Variants in KAT5 observed in about 807,000 individuals in gnomAD.
KAT5 encodes lysine acetyltransferase 5.
A neutral mutation model predicts 68.1 loss-of-function variants in KAT5; 31 were observed. That is an observed-to-expected ratio of 0.46 (90% CI 0.34 to 0.61). The LOEUF (loss-of-function observed/expected upper bound fraction) is 0.61, where lower values mean the gene tolerates loss of function less well. KAT5 is among the 20% of genes least tolerant of loss of function. The pLI is 0.01. For missense variants in KAT5, 451 were observed against 725.5 expected (o/e 0.62, Z 4.35); for synonymous variants, 365 against 292.6 (o/e 1.25, Z -2.52).
chr11:65,713,298 T>C (rs1230817225), intron 3 of KAT5, 50 bp from the exon 4 acceptor site: 1 of 1,587,676 alleles, frequency 6.3e-7, no homozygotes, highest in African/African-American at 1.3e-5. Context: ...CCCTTCCCCA[T>C]CCCACTGCCA....
rs771308702 is a variant in KAT5 at position 65,714,680 on chromosome 11, C to T, written c.876C>T (p.Val292=). 6.8e-6 allele frequency: 11 copies of T among 1,614,102 alleles called. No homozygotes were observed. In the South Asian group the frequency reaches 7.7e-5, roughly 11 times the overall value. The change falls in exon 7 of 13, where the codon GTC becomes GTT. Residue 292 remains valine (V), a synonymous_variant. Coordinates refer to ENST00000341318, the MANE Select transcript of KAT5 (RefSeq NM_182710.3). ...CACAGGAACTCACCACATTGCCTGTCCTCTACCTGTGCGAGTTCTGCCTCA... is the reference window on the plus strand; with the variant it reads ...CACAGGAACTCACCACATTGCCTGTTCTCTACCTGTGCGAGTTCTGCCTCA... The part of the protein sequence containing the change: ...PYPQELTTLP[V]LYLCEFCLKY...
intron 3 of KAT5, 142 bp downstream of exon 3, chr11:65,713,200 T>C: frequency 7.6e-7 from 1 of 1,324,040 alleles, no homozygotes; most frequent in East Asian, 2.3e-5. Context: ...AAATTGCACA[T>C]GTAGCTCCCA....
In KAT5 at chr11:65,719,266, C is replaced by A; in HGVS notation, c.*85C>A. On this transcript the variant is annotated 3_prime_UTR_variant, in exon 13 of 13. Transcript: ENST00000341318. Reference sequence around the variant, plus strand: ...CGCCCCCACTGCAGCTCCCACAAAGCACTCTAAGGGAGATGGGGCTGAGGA... The same window carrying A: ...CGCCCCCACTGCAGCTCCCACAAAGAACTCTAAGGGAGATGGGGCTGAGGA... The A allele has an allele frequency of 6.7e-7, 1 of 1,495,056 alleles. No individual in the cohort carries two copies. The highest frequency in any genetic ancestry group is 1.2e-5 in the South Asian group (1 of 82,562). The allele number at this position is 1,495,056 out of a possible 1,614,324, so 92.6% of individuals were successfully genotyped here.
rs754675864 is a variant in KAT5, at chr11:65,719,106, C to G, written c.1566C>G (p.Leu522=). The change falls in exon 13 of 13, where the codon CTC becomes CTG. Residue 522 remains leucine, a synonymous_variant. Transcript: ENST00000341318. The part of the protein sequence containing the change: ...DIVDGHERAM[L]KRLLRIDSKC... ...TGGATGGCCATGAGCGGGCCATGCT[C>G]AAGCGGCTCCTGCGGATCGACTCCA... 3.7e-6 allele frequency: 6 copies of G among 1,614,102 alleles called. No homozygotes were observed. The highest frequency in any genetic ancestry group is 3.3e-5 in the Admixed American group (2 of 60,002).
At position 65,712,843 on chromosome 11, in the gene KAT5, T is replaced by G; in HGVS notation, c.247+9T>G. 1 of 1,614,144 alleles carries G rather than the reference T, an allele frequency of 6.2e-7. No individual in the cohort carries two copies. The highest frequency in any genetic ancestry group is 8.5e-7 in the Non-Finnish European group (1 of 1,179,996). On this transcript the variant is annotated intron_variant, in intron 2 of 12. Transcript: ENST00000341318. ...CGTCCATTACATTGACTGTGAGTTC[T>G]GGGCCTGAGGTGGGGCATCAGGGTA...
chr11:65,718,446 C>A, intron 10 of KAT5, 144 bp from the exon 11 acceptor site: 2 of 772,646 alleles, frequency 2.6e-6, no homozygotes, highest in South Asian at 1.7e-5. Context: ...GGAACTGAGG[C>A]ACAGAGAAGT....
intron 6 of KAT5, 94 bp downstream of exon 6, chr11:65,713,942 A>AG (rs1426784105): frequency 1.7e-6 from 2 of 1,162,678 alleles, no homozygotes; most frequent in Non-Finnish European, 2.5e-6. Flanking sequence ...AAAATAAAGA[A>AG]GGGGTGGTGG....
chr11:65,719,024 C>T, intron 12 of KAT5, 23 bp from the exon 13 acceptor site: 1 of 1,614,020 alleles, frequency 6.2e-7, no homozygotes, highest in Non-Finnish European at 8.5e-7. Context: ...TGACCACCTG[C>T]TGAACCCATC....
In KAT5 at chr11:65,712,793, A is replaced by T. The variant is rs779604945; in HGVS notation, c.206A>T (p.Asp69Val). ...CTGGCCGAGATCCTGAGCGTGAAGG[A>T]CATCAGTGGCCGGAAGCTTTTCTAC... ...WPLAEILSVK[D>V]ISGRKLFYVH... is the part of the protein sequence containing the mutation. Residue 69 changes from aspartate to valine, a missense_variant, in exon 2 of 13, where the codon GAC becomes GTC. By Grantham distance (152) the Asp-to-Val change is radical (BLOSUM62 -3). Around this residue, in one of 4 missense-constraint regions of KAT5, gnomAD observed 104 missense variants for 107.3 expected, o/e 0.97. Transcript: ENST00000341318. 1 of 1,614,048 alleles carries T rather than the reference A, an allele frequency of 6.2e-7. No individual in the cohort carries two copies. Among genetic ancestry groups the T allele is most frequent in the Admixed American group, 1.7e-5 (1 of 60,002 alleles).
At position 65,713,577 on chromosome 11, in the gene KAT5, T is replaced by A. The variant is rs1857098441; in HGVS notation, c.541-16T>A. The A allele has an allele frequency of 6.2e-7, 1 of 1,614,082 alleles. No homozygotes were observed. Among genetic ancestry groups the A allele is most frequent in the African/African-American group, 1.3e-5 (1 of 74,926 alleles). Reference sequence around the variant, plus strand: ...TCTCTACCTTCTGACCCACCTTTGTTGGTTTCTCTCTGCAGAAACGGAAGG... The same window carrying A: ...TCTCTACCTTCTGACCCACCTTTGTAGGTTTCTCTCTGCAGAAACGGAAGG... On this transcript the variant is annotated splice_polypyrimidine_tract_variant and intron_variant, in intron 4 of 12. Transcript: ENST00000341318.
chr11:65,713,243 G>A (rs1158265854), intron 3 of KAT5, 105 bp from the exon 4 acceptor site: 15 of 1,352,822 alleles, frequency 1.1e-5, no homozygotes, highest in South Asian at 5.2e-5. Flanking sequence ...TCCTTCAGAA[G>A]GCGAGGGTGG....
chr11:65,716,866 A>C (rs1857213225), intron 9 of KAT5, 23 bp from the exon 10 acceptor site: 1 of 1,613,308 alleles, frequency 6.2e-7, no homozygotes. Flanking sequence ...CTTCCCTGAC[A>C]CTCACCTGTC....
Position 65,718,738 on chromosome 11 carries a change from G to C in KAT5, c.1413G>C (p.Gln471His), listed in dbSNP as rs1311321085. 6.2e-7 allele frequency: 1 copy of C among 1,614,072 alleles called. No homozygotes were observed. Among genetic ancestry groups the C allele is most frequent in the Non-Finnish European group, 8.5e-7 (1 of 1,180,036 alleles). ...AGTCGGAGAGCGGGGAGAGGCCACAGATCACCATCAAGTGAGCCTGGCGCT... is the reference window on the plus strand; with the variant it reads ...AGTCGGAGAGCGGGGAGAGGCCACACATCACCATCAAGTGAGCCTGGCGCT... Reference protein sequence around the residue: ...GLKSESGERPQITINEISEIT... With the variant: ...GLKSESGERPHITINEISEIT... Residue 471 changes from glutamine (Q) to histidine (H), a missense_variant, in exon 11 of 13, where the codon CAG becomes CAC. Around this residue, in one of 4 missense-constraint regions of KAT5, gnomAD observed 210 missense variants for 423.7 expected, o/e 0.50. Transcript: ENST00000341318.
chr11:65,712,316 G>C lies in KAT5; in HGVS notation c.49G>C (p.Gly17Arg). 2.0e-6 allele frequency: 3 copies of C among 1,488,412 alleles called. No homozygotes were observed. Among genetic ancestry groups the C allele is most frequent in the Non-Finnish European group, 1.8e-6 (2 of 1,125,572 alleles). The allele number at this position is 1,488,412 out of a possible 1,614,324, so 92.2% of individuals were successfully genotyped here. Residue 17 changes from glycine (G) to arginine (R), a missense_variant, in exon 1 of 13, where the codon GGG becomes CGG. Gly to Arg is a moderately radical substitution (Grantham distance 125, BLOSUM62 -2). Coordinates refer to ENST00000341318, the MANE Select transcript of KAT5 (RefSeq NM_182710.3). Reference protein sequence around the residue: ...PVPGAGRREPGEVGRARGPPV... With the variant: ...PVPGAGRREPREVGRARGPPV... The stretch of plus-strand genomic sequence containing the variant: ...GCCCGGGGCGGGGCGGAGGGAGCCA[G>C]GGGAGGTGGGTAGAGCCCGAGGCCC...
In KAT5 at chr11:65,716,637, C is replaced by CA. The variant is rs140493201; in HGVS notation, c.1030-29dup. The CA allele has an allele frequency of 4.4e-3, 7,142 of 1,608,474 alleles. 31 individuals are homozygous for CA. Among genetic ancestry groups the CA allele is most frequent in the Non-Finnish European group, 5.6e-3 (6,641 of 1,177,858 alleles). On this transcript the variant is annotated intron_variant, in intron 8 of 12. Coordinates refer to ENST00000341318, the MANE Select transcript of KAT5 (RefSeq NM_182710.3). ...CTGGCCAGGCTCAAGGCGGGATACC[C>CA]AGAGTGGTGACAAGCCTTTTCTCTT...
At chr11:65,717,916 C>G (rs763788370) in intron 10 of KAT5, 1 of 152,634 alleles carries the variant, frequency 6.6e-6, no homozygotes, top group Non-Finnish European at 1.5e-5. Context: ...AAGACACTGA[C>G]CAAGAGATGT....
chr11:65,719,579 C>T lies in KAT5; in HGVS notation c.*398C>T, dbSNP rs1003237993. On this transcript the variant is annotated 3_prime_UTR_variant, in exon 13 of 13. Coordinates refer to ENST00000341318, the MANE Select transcript of KAT5 (RefSeq NM_182710.3). ...TGGCTTCTCTTACCCCTATTGCCCC[C>T]GGCAATAAATTGTTTCTATATGCCA... The T allele has an allele frequency of 3.2e-5, 21 of 658,868 alleles. No homozygotes were observed. The highest frequency in any genetic ancestry group is 2.7e-4 in the East Asian group (10 of 36,808). The allele number at this position is 658,868 out of a possible 1,614,324, so 40.8% of individuals were successfully genotyped here.
chr11:65,713,944 G>C (rs1478271597), intron 6 of KAT5, 96 bp downstream of exon 6: 2 of 1,145,926 alleles, frequency 1.7e-6, no homozygotes, highest in Non-Finnish European at 2.5e-6. Flanking sequence ...AATAAAGAAG[G>C]GGTGGTGGGC....
chr11:65,712,369 G>A lies in KAT5; in HGVS notation c.102G>A (p.Leu34=). Reference sequence around the variant, plus strand: ...CAGTAGCCGACCCTGGCGTCGCGCTGTCTCCCCAGGGGGAGATAATCGAGG... The same window carrying A: ...CAGTAGCCGACCCTGGCGTCGCGCTATCTCCCCAGGGGGAGATAATCGAGG... ...GPPVADPGVA[L]SPQGEIIEGC... Residue 34 remains leucine, a synonymous_variant, in exon 1 of 13, where the codon CTG becomes CTA. Coordinates refer to ENST00000341318, the MANE Select transcript of KAT5 (RefSeq NM_182710.3). The A allele has an allele frequency of 6.5e-7, 1 of 1,547,452 alleles. No individual in the cohort carries two copies. The highest frequency in any genetic ancestry group is 8.6e-7 in the Non-Finnish European group (1 of 1,157,260).
Sources: allele counts gnomAD v4.1 joint callset, GRCh38; gene constraint gnomAD v4.1.1; regional missense constraint gnomAD v4.1.1; transcripts MANE v1.5; gene names NCBI Gene and HGNC (gene_info 2026-07-23, HGNC 2026-07-21).